Variants in KIAA1217 observed in about 807,000 individuals in gnomAD.
The protein encoded by KIAA1217 is KIAA1217.
KIAA1217 carries 88 observed loss-of-function variants against 163.9 expected under a neutral mutation model. That is an observed-to-expected ratio of 0.54 (90% confidence interval 0.45 to 0.64). KIAA1217 has a LOEUF of 0.64. Among genes scored for constraint, KIAA1217 ranks in the 30% least tolerant of loss-of-function variants. The pLI, the probability that KIAA1217 is intolerant of heterozygous loss-of-function variation, is 0.00. For missense variants in KIAA1217, 2,372 were observed against 2,475.0 expected (o/e 0.96, Z 0.88); for synonymous variants, 903 against 923.1 (o/e 0.98, Z 0.39).
chr10:23,866,932 C>T (rs1056489028), intron 1 of KIAA1217, among the ~76,000 whole-genome samples: 2 of 151,384 alleles, frequency 1.3e-5, no homozygotes, highest in Non-Finnish European at 2.9e-5. Context: ...ATGTGCCATG[C>T]TGGTGTGCTG....
chr10:24,476,856 GACACAGACAC>G lies in KIAA1217; in HGVS notation c.1679+2809_1679+2818del, dbSNP rs539482583. On this transcript the variant is annotated intron_variant, in intron 6 of 20. Coordinates refer to ENST00000376454, the MANE Select transcript of KIAA1217 (RefSeq NM_019590.5). The stretch of plus-strand genomic sequence containing the variant: ...CACACATACCACATGGACACACAAA[GACACAGACAC>G]ACACAGACACACGACACACACACAA... 8.7e-4 allele frequency among the ~76,000 whole-genome samples: 131 copies of G among 151,042 alleles called. No individual in the cohort carries two copies. The Middle Eastern group carries it at 0.017, about 20-fold the overall frequency.
chr10:23,955,680 G>T (rs1186201985), intron 1 of KIAA1217, among the ~76,000 whole-genome samples: 1 of 152,140 alleles, frequency 6.6e-6, no homozygotes, highest in East Asian at 1.9e-4. Context: ...CCATCAAACG[G>T]CAAGTTAGCT....
At chr10:24,103,989 T>TC (rs199768944) in intron 2 of KIAA1217, among the ~76,000 whole-genome samples, 2,575 of 152,148 alleles carry the variant, frequency 0.017, 62 homozygotes, top group African/African-American at 0.059. Flanking sequence ...TTTGGCTGTG[T>TC]CCCCACCCAA....
chr10:24,075,064 A>G (rs1014418780), intron 2 of KIAA1217, among the ~76,000 whole-genome samples: 2 of 151,572 alleles, frequency 1.3e-5, no homozygotes, highest in Non-Finnish European at 2.9e-5. Context: ...GCTCTACATG[A>G]TAAAACCTCT....
At chr10:23,794,866 T>C (rs893839955) in intron 1 of KIAA1217, among the ~76,000 whole-genome samples, 1 of 152,254 alleles carries the variant, frequency 6.6e-6, no homozygotes, top group Non-Finnish European at 1.5e-5. Flanking sequence ...TGGCTATCAC[T>C]TGATTTTACC....
chr10:24,379,801 C>T (rs2053040242), intron 2 of KIAA1217, among the ~76,000 whole-genome samples: 1 of 152,114 alleles, frequency 6.6e-6, no homozygotes, highest in Admixed American at 6.6e-5. Context: ...CTTGGAATCC[C>T]AGCACTTTGG....
At chr10:24,405,110 A>G (rs1004625199) in intron 3 of KIAA1217, among the ~76,000 whole-genome samples, 1 of 152,188 alleles carries the variant, frequency 6.6e-6, no homozygotes, top group East Asian at 1.9e-4. Context: ...GCAACATAAA[A>G]TTAATAACAA....
At chr10:24,517,170 G>A (rs1264121593) in intron 10 of KIAA1217, among the ~76,000 whole-genome samples, 1 of 102,998 alleles carries the variant, frequency 9.7e-6, no homozygotes, top group African/African-American at 4.7e-5. Context: ...GCAAAACCCT[G>A]TTAAAAAAAA....
chr10:23,927,823 A>T (rs1452990638), intron 1 of KIAA1217, among the ~76,000 whole-genome samples: 1 of 152,198 alleles, frequency 6.6e-6, no homozygotes, highest in Non-Finnish European at 1.5e-5. Flanking sequence ...TTTCAGGCTT[A>T]CTTCTGAAAC....
rs1016459722 is a variant in KIAA1217, at chr10:24,361,059, C to G, written c.355-19810C>G. Among the ~76,000 whole-genome samples the G allele has an allele frequency of 2.6e-5, 4 of 152,118 alleles. No homozygotes were observed. The East Asian group carries it at 7.7e-4, about 29-fold the overall frequency. The stretch of plus-strand genomic sequence containing the variant: ...AAGAGTAGGAGAATTATTTACAATC[C>G]CATGACCCACATAGAATACTTGTGT... On this transcript the variant is annotated intron_variant, in intron 2 of 20. Coordinates refer to ENST00000376454, the MANE Select transcript of KIAA1217 (RefSeq NM_019590.5).
intron 2 of KIAA1217, among the ~76,000 whole-genome samples, chr10:24,058,255 G>T (rs2060598403): frequency 6.6e-6 from 1 of 152,100 alleles, no homozygotes; most frequent in Admixed American, 6.6e-5. Flanking sequence ...TTGTCTATAT[G>T]TCTGTCTTTA....
At chr10:23,766,801 C>T (rs189797130) in intron 1 of KIAA1217, among the ~76,000 whole-genome samples, 245 of 152,112 alleles carry the variant, frequency 1.6e-3, no homozygotes, top group Non-Finnish European at 2.5e-3. Context: ...GTTGGCCAGA[C>T]GGGTCATCTC....
At chr10:24,451,974 A>G (rs2061407210) in intron 5 of KIAA1217, among the ~76,000 whole-genome samples, 1 of 152,192 alleles carries the variant, frequency 6.6e-6, no homozygotes, top group Non-Finnish European at 1.5e-5. Context: ...CCCGAGTCCC[A>G]GACCCTACTC....
chr10:24,097,429 T>C (rs1376521916), intron 2 of KIAA1217, among the ~76,000 whole-genome samples: 2 of 152,108 alleles, frequency 1.3e-5, no homozygotes, highest in Admixed American at 1.3e-4. Context: ...GGCTTATGCC[T>C]GTAGTCCCAG....
At chr10:24,209,555 A>G (rs2067807676) in intron 1 of KIAA1217, among the ~76,000 whole-genome samples, 2 of 152,312 alleles carry the variant, frequency 1.3e-5, no homozygotes, top group African/African-American at 4.8e-5. Context: ...AATGACAAAT[A>G]AATCACTAAG....
At chr10:23,704,722 G>A (rs533381474) in intron 1 of KIAA1217, among the ~76,000 whole-genome samples, 2 of 152,114 alleles carry the variant, frequency 1.3e-5, no homozygotes, top group South Asian at 2.1e-4. Flanking sequence ...GGACATCTAG[G>A]TTGCTTCCAA....
intron 9 of KIAA1217, among the ~76,000 whole-genome samples, chr10:24,503,716 C>T (rs752904557): frequency 2.0e-4 from 30 of 152,156 alleles, no homozygotes; most frequent in Non-Finnish European, 3.4e-4. Context: ...GAGTACTCTG[C>T]AGGCCAAAGG....
intron 2 of KIAA1217, among the ~76,000 whole-genome samples, chr10:24,374,206 C>T (rs945626344): frequency 6.6e-6 from 1 of 152,168 alleles, no homozygotes; most frequent in East Asian, 1.9e-4. Flanking sequence ...AATTATCAGA[C>T]CTCAACTTAA....
At chr10:24,523,852 C>T (rs1002020880) in intron 12 of KIAA1217, among the ~76,000 whole-genome samples, 7 of 152,116 alleles carry the variant, frequency 4.6e-5, no homozygotes, top group Non-Finnish European at 7.3e-5. Context: ...TAAACACGAC[C>T]GTTAGATTTC....
Sources: allele counts gnomAD v4.1 joint callset (sites outside exome capture counted in the v4.1 genomes callset), GRCh38; gene constraint gnomAD v4.1.1; transcripts MANE v1.5; gene names NCBI Gene and HGNC (gene_info 2026-07-23, HGNC 2026-07-21).